GBE1: variants seen among roughly 807,000 people sequenced by gnomAD.
GBE1 encodes the protein 1,4-alpha-glucan-branching enzyme.
In GBE1, 70 loss-of-function variants were observed where a neutral mutation model predicts 88.8. The observed-to-expected ratio is 0.79, with a 90% CI of 0.65 to 0.96. The LOEUF is 0.96. GBE1 is among the 40% of genes least tolerant of loss of function. The pLI is 0.00. For missense variants in GBE1, 872 were observed against 871.0 expected, an observed-to-expected ratio of 1.00 and a Z score of -0.01; for synonymous variants, 284 against 300.1, an observed-to-expected ratio of 0.95 and a Z score of 0.56.
At chr3:81,565,631 T>C (rs1240068416) in intron 12 of GBE1, among the ~76,000 whole-genome samples, 3 of 152,168 alleles carry the variant, frequency 2.0e-5, no homozygotes, top group African/African-American at 7.2e-5. Flanking sequence ...ATAATTATAT[T>C]GAGAAAATCC....
intron 15 of GBE1, among the ~76,000 whole-genome samples, chr3:81,497,587 A>G (rs1187255101): frequency 6.6e-6 from 1 of 152,186 alleles, no homozygotes; most frequent in Non-Finnish European, 1.5e-5. Context: ...GTCCTGTGCC[A>G]TGGCGTTTTG....
chr3:81,548,205 T>G (rs964699806), intron 12 of GBE1, among the ~76,000 whole-genome samples: 2 of 151,530 alleles, frequency 1.3e-5, no homozygotes, highest in African/African-American at 4.8e-5. Flanking sequence ...AGAGCACTAA[T>G]CGACACTTTA....
At chr3:81,528,666 G>A (rs1702977265) in intron 14 of GBE1, among the ~76,000 whole-genome samples, 1 of 151,886 alleles carries the variant, frequency 6.6e-6, no homozygotes, top group Admixed American at 6.6e-5. Flanking sequence ...GCTCCAGTGT[G>A]GGGTGCATAT....
intron 1 of GBE1, among the ~76,000 whole-genome samples, chr3:81,756,101 C>T (rs1348842797): frequency 6.6e-6 from 1 of 152,102 alleles, no homozygotes; most frequent in Non-Finnish European, 1.5e-5. Context: ...ACCCCTTCTC[C>T]CATTCTTGGA....
At position 81,738,117 on chromosome 3, in the gene GBE1, G is replaced by T. The variant is rs572566041; in HGVS notation, c.143+23258C>A. On this transcript the variant is annotated intron_variant, in intron 1 of 15. Coordinates refer to ENST00000429644, the MANE Select transcript of GBE1 (RefSeq NM_000158.4). ...TTATGGCTGCATAGTATTCCATGGT[G>T]TATATGTGCCACATTTTCTTAATCC... is the stretch of plus-strand genomic sequence containing the variant. Among the ~76,000 whole-genome samples the T allele has an allele frequency of 4.0e-3, 608 of 151,664 alleles. 5 individuals are homozygous for T. Among genetic ancestry groups the T allele is most frequent in the Middle Eastern group, 0.01 (3 of 294 alleles).
chr3:81,547,231 A>T (rs934613493), intron 12 of GBE1, among the ~76,000 whole-genome samples: 2 of 151,446 alleles, frequency 1.3e-5, no homozygotes, highest in African/African-American at 4.8e-5. Flanking sequence ...AGGACGCTTG[A>T]CTGAACTTGG....
intron 12 of GBE1, among the ~76,000 whole-genome samples, chr3:81,575,359 CAGAGTG>C (rs1166212383): frequency 1.3e-5 from 2 of 151,882 alleles, no homozygotes; most frequent in African/African-American, 4.8e-5. Flanking sequence ...CAGCTATAAC[CAGAGTG>C]AAAGAATTTT....
At chr3:81,729,245 C>A (rs914002575) in intron 1 of GBE1, among the ~76,000 whole-genome samples, 15 of 152,134 alleles carry the variant, frequency 9.9e-5, no homozygotes, top group Admixed American at 5.2e-4. Context: ...GACTTGAACT[C>A]CAAAGTCACT....
chr3:81,745,419 A>C (rs1706407607), intron 1 of GBE1, among the ~76,000 whole-genome samples: 1 of 152,176 alleles, frequency 6.6e-6, no homozygotes, highest in African/African-American at 2.4e-5. Flanking sequence ...GGGACTACCT[A>C]CTACTGAAAG....
chr3:81,588,307 T>C (rs1436858729), intron 9 of GBE1, among the ~76,000 whole-genome samples: 2 of 152,106 alleles, frequency 1.3e-5, no homozygotes, highest in East Asian at 3.9e-4. Context: ...ACAGACAGGA[T>C]TGGATAAATA....
chr3:81,680,420 C>A (rs1317748135), intron 2 of GBE1, among the ~76,000 whole-genome samples: 2 of 149,596 alleles, frequency 1.3e-5, no homozygotes, highest in African/African-American at 4.9e-5. Flanking sequence ...GGCGTGAACC[C>A]GGGAGGCGGA....
intron 1 of GBE1, among the ~76,000 whole-genome samples, chr3:81,760,933 T>C (rs1218779309): frequency 1.3e-5 from 2 of 152,222 alleles, no homozygotes; most frequent in African/African-American, 2.4e-5. Flanking sequence ...ACATTTGCTA[T>C]GAAATAAACT....
chr3:81,718,185 G>A (rs1218819042), intron 1 of GBE1, among the ~76,000 whole-genome samples: 2 of 151,920 alleles, frequency 1.3e-5, no homozygotes, highest in African/African-American at 2.4e-5. Flanking sequence ...TGACCATGTT[G>A]GCCAGTCTGG....
intron 10 of GBE1, among the ~76,000 whole-genome samples, chr3:81,582,269 T>C (rs966263820): frequency 1.3e-5 from 2 of 152,062 alleles, no homozygotes; most frequent in Non-Finnish European, 2.9e-5. Flanking sequence ...TCCACGAGCA[T>C]CTTTCTAAAA....
intron 3 of GBE1, among the ~76,000 whole-genome samples, chr3:81,669,494 C>T (rs892930008): frequency 2.0e-5 from 3 of 152,144 alleles, no homozygotes; most frequent in East Asian, 1.9e-4. Flanking sequence ...TATAAACTAT[C>T]GAAGAATCAA....
chr3:81,569,987 G>A (rs1055807593), intron 12 of GBE1, among the ~76,000 whole-genome samples: 3 of 151,782 alleles, frequency 2.0e-5, no homozygotes, highest in African/African-American at 2.4e-5. Context: ...CTAATTTTCT[G>A]TATTTTTAGA....
intron 1 of GBE1, among the ~76,000 whole-genome samples, chr3:81,755,377 A>C (rs2107242050): frequency 1.3e-5 from 2 of 152,246 alleles, no homozygotes; most frequent in Middle Eastern, 3.4e-3. Context: ...GGGAATGTAA[A>C]TTACCATAGC....
chr3:81,628,412 C>A (rs2107027680), intron 7 of GBE1, among the ~76,000 whole-genome samples: 1 of 152,120 alleles, frequency 6.6e-6, no homozygotes, highest in South Asian at 2.1e-4. Flanking sequence ...CTTGTGGACT[C>A]TAACAGTGAG....
chr3:81,600,254 C>T (rs954197557), intron 7 of GBE1, among the ~76,000 whole-genome samples: 2 of 150,348 alleles, frequency 1.3e-5, no homozygotes, highest in Non-Finnish European at 2.9e-5. Context: ...AGTGAGACTC[C>T]GTCTCAAAAA....
Sources: gnomAD v4.1 joint callset for allele counts (sites outside exome capture counted in the v4.1 genomes callset) on GRCh38, gnomAD v4.1.1 for gene constraint, MANE v1.5 for transcripts, NCBI Gene and HGNC (gene_info 2026-07-23, HGNC 2026-07-21) for gene names.